Variants in LHFPL4 observed in about 807,000 individuals in gnomAD.
The protein encoded by LHFPL4 is LHFPL tetraspan subfamily member 4 protein.
In LHFPL4, 6 loss-of-function variants were observed where a neutral mutation model predicts 20.0. The ratio of observed to expected loss-of-function variants is 0.30; its 90% CI spans 0.16 to 0.59. The LOEUF (loss-of-function observed/expected upper bound fraction) is 0.59, where lower values mean the gene tolerates loss of function less well. Among genes scored for constraint, LHFPL4 ranks in the 20% least tolerant of loss-of-function variants. The pLI is 0.88. For missense variants in LHFPL4, 215 were observed against 331.2 expected, an observed-to-expected ratio of 0.65 and a Z score of 2.72; for synonymous variants, 129 against 143.8, an observed-to-expected ratio of 0.90 and a Z score of 0.74.
intron 2 of LHFPL4, among the ~76,000 whole-genome samples, chr3:9,541,670 G>T (rs1310842002): frequency 6.6e-6 from 1 of 151,944 alleles, no homozygotes; most frequent in Non-Finnish European, 1.5e-5. Context: ...TAATAGGGAG[G>T]CCGGGGCAGG....
chr3:9,518,499 A>G (rs1250194682), intron 2 of LHFPL4, among the ~76,000 whole-genome samples: 1 of 152,070 alleles, frequency 6.6e-6, no homozygotes, highest in Non-Finnish European at 1.5e-5. Flanking sequence ...TTCTTCCTTT[A>G]ATGTTTGGCA....
intron 2 of LHFPL4, among the ~76,000 whole-genome samples, chr3:9,539,364 A>G (rs2046463265): frequency 6.6e-6 from 1 of 151,316 alleles, no homozygotes; most frequent in Non-Finnish European, 1.5e-5. Flanking sequence ...CTGAGGCAGG[A>G]GAATTGTTTG....
chr3:9,542,170 C>T (rs2046480996), intron 2 of LHFPL4, among the ~76,000 whole-genome samples: 1 of 152,146 alleles, frequency 6.6e-6, no homozygotes, highest in Non-Finnish European at 1.5e-5. Flanking sequence ...CCTGTAATCC[C>T]AGCTACTTGG....
chr3:9,548,050 C>T (rs2046527815), intron 2 of LHFPL4, among the ~76,000 whole-genome samples: 1 of 152,180 alleles, frequency 6.6e-6, no homozygotes, highest in Admixed American at 6.5e-5. Context: ...AAGTGATCAG[C>T]CTGCTTCAGC....
intron 2 of LHFPL4, among the ~76,000 whole-genome samples, chr3:9,530,295 A>G (rs544307930): frequency 6.6e-6 from 1 of 152,286 alleles, no homozygotes; most frequent in South Asian, 2.1e-4. Flanking sequence ...CATCTTCATC[A>G]ATGACCTTAG....
chr3:9,543,532 C>T (rs2125666981), intron 2 of LHFPL4, among the ~76,000 whole-genome samples: 1 of 151,770 alleles, frequency 6.6e-6, no homozygotes, highest in Admixed American at 6.6e-5. Flanking sequence ...AAAGTGGGTC[C>T]TCTAGCCCAG....
Position 9,500,068 on chromosome 3 carries a change from T to C in LHFPL4, c.*2143A>G. ...ATCTCTCCTCCTCGCGCTGTTTCTC[T>C]GTGCCTGTGCGTCCCCCTCGCTCCT... On this transcript the variant is annotated 3_prime_UTR_variant, in exon 4 of 4. Coordinates refer to ENST00000287585, the MANE Select transcript of LHFPL4 (RefSeq NM_198560.3). The C allele has an allele frequency of 6.5e-6, 1 of 153,528 alleles. No individual in the cohort carries two copies. The highest frequency in any genetic ancestry group is 1.4e-5 in the Non-Finnish European group (1 of 69,360). The allele number at this position is 153,528 out of a possible 1,614,324, so 9.5% of individuals were successfully genotyped here.
At chr3:9,522,895 G>T (rs1336732997) in intron 2 of LHFPL4, among the ~76,000 whole-genome samples, 1 of 151,636 alleles carries the variant, frequency 6.6e-6, no homozygotes, top group African/African-American at 2.4e-5. Context: ...CAAAAAATTA[G>T]CCTGGCGTGG....
chr3:9,518,925 G>GTTTGTTTATTTATTTA lies in LHFPL4; in HGVS notation c.407-12723_407-12722insTAAATAAATAAACAAA, dbSNP rs1553647114. 1.6e-3 allele frequency among the ~76,000 whole-genome samples: 233 copies of GTTTGTTTATTTATTTA among 145,142 alleles called. 1 individual carries two copies. The highest frequency in any genetic ancestry group is 3.6e-3 in the South Asian group (16 of 4,416). Reference sequence around the variant, plus strand: ...TGCACCACCACATTGGCTAATTTTTGTTTATTTATTTATTTATTTATTTAT... The same window carrying GTTTGTTTATTTATTTA: ...TGCACCACCACATTGGCTAATTTTTGTTTGTTTATTTATTTATTTATTTATTTATTTATTTATTTAT... On this transcript the variant is annotated intron_variant, in intron 2 of 3. Coordinates refer to ENST00000287585, the MANE Select transcript of LHFPL4 (RefSeq NM_198560.3).
chr3:9,534,475 G>A (rs1404538274), intron 2 of LHFPL4, among the ~76,000 whole-genome samples: 1 of 152,162 alleles, frequency 6.6e-6, no homozygotes, highest in Admixed American at 6.6e-5. Flanking sequence ...AAAGAGGCAG[G>A]AAATCATATG....
chr3:9,512,115 G>T (rs752173358), intron 2 of LHFPL4, among the ~76,000 whole-genome samples: 8 of 152,150 alleles, frequency 5.3e-5, no homozygotes, highest in Non-Finnish European at 1.2e-4. Flanking sequence ...TGTATTTTTA[G>T]TAGAGACGGG....
At chr3:9,516,753 C>G (rs139858548) in intron 2 of LHFPL4, among the ~76,000 whole-genome samples, 2 of 149,596 alleles carry the variant, frequency 1.3e-5, no homozygotes, top group East Asian at 4.0e-4. Flanking sequence ...GGATTACAGG[C>G]GTGAGCCATT....
At chr3:9,529,830 A>G (rs2125662522) in intron 2 of LHFPL4, among the ~76,000 whole-genome samples, 1 of 151,140 alleles carries the variant, frequency 6.6e-6, no homozygotes, top group South Asian at 2.1e-4. Context: ...ATGGGGTTTC[A>G]CCATCTTGGC....
chr3:9,529,931 CT>C (rs77757682), intron 2 of LHFPL4, among the ~76,000 whole-genome samples: 28,492 of 146,652 alleles, frequency 0.19, 3,349 homozygotes, highest in East Asian at 0.41. Flanking sequence ...GTGCCTGGCT[CT>C]TTTTTTTTTT....
At chr3:9,505,549 G>T (rs2046211406) in intron 3 of LHFPL4, among the ~76,000 whole-genome samples, 1 of 152,080 alleles carries the variant, frequency 6.6e-6, no homozygotes, top group African/African-American at 2.4e-5. Context: ...CACCTCCCGG[G>T]TTCATGCCAT....
At position 9,501,330 on chromosome 3, in the gene LHFPL4, T is replaced by C. The variant is rs973064755; in HGVS notation, c.*881A>G. 4 of 152,794 alleles carry C rather than the reference T, an allele frequency of 2.6e-5. No individual in the cohort carries two copies. Among genetic ancestry groups the C allele is most frequent in the African/African-American group, 9.7e-5 (4 of 41,448 alleles). The allele number at this position is 152,794 out of a possible 1,614,324, so 9.5% of individuals were successfully genotyped here. A position where few individuals can be genotyped will look rare whatever the true frequency, so the allele number is the denominator to read the frequency against. ...CCTGACAACAGGGCCAAGAAGTCTG[T>C]GCTGTACAAAACAGGCCAGGGTCAA... On this transcript the variant is annotated 3_prime_UTR_variant, in exon 4 of 4. Transcript: ENST00000287585.
chr3:9,509,242 C>CT (rs1553646182), intron 2 of LHFPL4, among the ~76,000 whole-genome samples: 1 of 27,276 alleles, frequency 3.7e-5, no homozygotes, highest in Non-Finnish European at 7.2e-5. Context: ...TTTCTTCGCA[C>CT]CCCCCTCTCT....
At chr3:9,551,117 C>T (rs2046550356) in intron 2 of LHFPL4, 1 of 152,212 alleles carries the variant, frequency 6.6e-6, no homozygotes, top group South Asian at 2.1e-4. Flanking sequence ...ACACCCCATG[C>T]TCCAAAGCTA....
chr3:9,544,515 C>T (rs2046499447), intron 2 of LHFPL4, among the ~76,000 whole-genome samples: 1 of 152,076 alleles, frequency 6.6e-6, no homozygotes, highest in African/African-American at 2.4e-5. Context: ...CTCCCAGCTA[C>T]TCGGGAGGCT....
Sources: gnomAD v4.1 joint callset for allele counts (sites outside exome capture counted in the v4.1 genomes callset) on GRCh38, gnomAD v4.1.1 for gene constraint, MANE v1.5 for transcripts, NCBI Gene and HGNC (gene_info 2026-07-23, HGNC 2026-07-21) for gene names.